Variants in TGM2 observed in about 807,000 individuals in gnomAD.
TGM2 encodes the protein protein-glutamine gamma-glutamyltransferase 2.
In TGM2, 53 loss-of-function variants were observed where a neutral mutation model predicts 75.6. That is an observed-to-expected ratio of 0.70 (90% CI 0.56 to 0.88). The LOEUF is 0.88. Among genes scored for constraint, TGM2 ranks in the 40% least tolerant of loss-of-function variants. The probability of loss-of-function intolerance (pLI) is 0.00; values close to 1 mark genes in which losing one functional copy is unlikely to be tolerated. For synonymous variants in TGM2, 374 were observed against 381.1 expected, an observed-to-expected ratio of 0.98 and a Z score of 0.22; for missense variants, 842 against 928.5, an observed-to-expected ratio of 0.91 and a Z score of 1.21.
chr20:38,141,539 C>A (rs6098085), intron 7 of TGM2, among the ~76,000 whole-genome samples, 154 bp from the exon 8 acceptor site: 53 of 152,188 alleles, frequency 3.5e-4, no homozygotes, highest in East Asian at 2.9e-3. Context: ...TTCTTCCCCC[C>A]ACGGGGGCCC....
At chr20:38,136,841 G>A (rs1284026812) in intron 10 of TGM2, among the ~76,000 whole-genome samples, 3 of 152,090 alleles carry the variant, frequency 2.0e-5, no homozygotes, top group Non-Finnish European at 4.4e-5. Context: ...CAGTGGCCAC[G>A]GCTCCTCTGA....
intron 9 of TGM2, 141 bp from the exon 10 acceptor site, chr20:38,138,526 G>C: frequency 6.7e-7 from 1 of 1,490,366 alleles, no homozygotes; most frequent in African/African-American, 1.4e-5. Flanking sequence ...TTCTGGGCCA[G>C]AAGGACACAG....
Position 38,142,535 on chromosome 20 carries a change from G to A in TGM2, c.860-336C>T, listed in dbSNP as rs536524981. On this transcript the variant is annotated intron_variant, in intron 6 of 12. Transcript: ENST00000361475. Reference sequence around the variant, plus strand: ...AGCCTGGCCAATATGGTGAAACCCCGTCTCTACTAAAAATACAAAAATTAG... The same window carrying A: ...AGCCTGGCCAATATGGTGAAACCCCATCTCTACTAAAAATACAAAAATTAG... Among the ~76,000 whole-genome samples the A allele has an allele frequency of 9.2e-5, 14 of 152,184 alleles. No individual in the cohort carries two copies. The South Asian group carries it at 2.7e-3, about 29-fold the overall frequency.
At position 38,128,866 on chromosome 20, in the gene TGM2, G is replaced by T. The variant is rs1221838063; in HGVS notation, c.*1353C>A. On this transcript the variant is annotated 3_prime_UTR_variant, in exon 13 of 13. Coordinates refer to ENST00000361475, the MANE Select transcript of TGM2 (RefSeq NM_004613.4). Reference sequence around the variant, plus strand: ...GGGGGCCTTAGCCCTGCAAAGAAGGGGTAGCTGGGGTGCCAACCTTGTTGG... The same window carrying T: ...GGGGGCCTTAGCCCTGCAAAGAAGGTGTAGCTGGGGTGCCAACCTTGTTGG... 2 of 152,296 alleles carry T rather than the reference G, an allele frequency of 1.3e-5. No homozygotes were observed. Among genetic ancestry groups the T allele is most frequent in the Admixed American group, 1.3e-4 (2 of 15,290 alleles). 9.4% of individuals were successfully genotyped at this position (152,296 alleles called of 1,614,324 possible). A position where few individuals can be genotyped will look rare whatever the true frequency, so the allele number is the denominator to read the frequency against.
chr20:38,152,598 G>T (rs887321212), intron 3 of TGM2, among the ~76,000 whole-genome samples: 1 of 152,188 alleles, frequency 6.6e-6, no homozygotes, highest in African/African-American at 2.4e-5. Context: ...AAAGGTGGGG[G>T]CACTGGGGAC....
intron 6 of TGM2, among the ~76,000 whole-genome samples, chr20:38,143,392 C>T (rs1026312075): frequency 6.6e-6 from 1 of 152,210 alleles, no homozygotes; most frequent in Non-Finnish European, 1.5e-5. Context: ...CACGGATGCA[C>T]GTGGCCCTAT....
intron 2 of TGM2, among the ~76,000 whole-genome samples, chr20:38,161,125 A>G (rs919521296): frequency 3.3e-5 from 5 of 152,138 alleles, no homozygotes; most frequent in African/African-American, 1.2e-4. Flanking sequence ...ATCCTGATCA[A>G]CTTTCCTGGT....
At chr20:38,166,305 A>C (rs75752436), upstream of TGM2, 8 of 144,516 alleles carry the variant, frequency 5.5e-5, no homozygotes, top group East Asian at 4.1e-4. Context: ...CCCTTCATCC[A>C]TCCCTCCCTC....
chr20:38,153,524 C>CAAAAAAAAAAAAAA (rs1231793414), intron 3 of TGM2, among the ~76,000 whole-genome samples: 1 of 63,886 alleles, frequency 1.6e-5, no homozygotes, highest in African/African-American at 1.1e-4. Context: ...GCCTTGGTCT[C>CAAAAAAAAAAAAAA]AAAAAAAAGA....
intron 6 of TGM2, among the ~76,000 whole-genome samples, chr20:38,144,242 A>G (rs1182066096): frequency 6.6e-6 from 1 of 152,192 alleles, no homozygotes; most frequent in Non-Finnish European, 1.5e-5. Context: ...CACCAGCTGT[A>G]TGACCTTGGG....
chr20:38,146,601 ATT>A (rs1478066139), intron 6 of TGM2, 114 bp downstream of exon 6: 2 of 1,245,882 alleles, frequency 1.6e-6, no homozygotes, highest in Non-Finnish European at 2.3e-6. Flanking sequence ...CACATAGCGC[ATT>A]GAGAGTGTTG....
chr20:38,151,114 G>T, intron 3 of TGM2, 57 bp from the exon 4 acceptor site: 2 of 1,362,084 alleles, frequency 1.5e-6, no homozygotes, highest in Non-Finnish European at 2.1e-6. Flanking sequence ...CAGGGTCCCT[G>T]CAAATCTGGA....
intron 6 of TGM2, among the ~76,000 whole-genome samples, chr20:38,145,155 AG>A (rs1331555303): frequency 1.3e-5 from 2 of 152,150 alleles, no homozygotes; most frequent in African/African-American, 4.8e-5. Context: ...AGGAGTCAGA[AG>A]GCAAGGACAG....
At chr20:38,135,842 G>C (rs549060307) in intron 10 of TGM2, among the ~76,000 whole-genome samples, 1 of 152,266 alleles carries the variant, frequency 6.6e-6, no homozygotes, top group East Asian at 1.9e-4. Context: ...GTGTGCTGGT[G>C]CTGCTGTGCC....
chr20:38,153,100 A>T (rs1411756293), intron 3 of TGM2, among the ~76,000 whole-genome samples: 1 of 152,082 alleles, frequency 6.6e-6, no homozygotes. Flanking sequence ...GCCACAGGGT[A>T]TGAAGCAAGG....
At chr20:38,143,374 TACAAGAACACGGATGC>T (rs1214995783) in intron 6 of TGM2, among the ~76,000 whole-genome samples, 1 of 152,192 alleles carries the variant, frequency 6.6e-6, no homozygotes. Context: ...ATTCCCAATG[TACAAGAACACGGATGC>T]ACGTGGCCCT....
intron 12 of TGM2, 41 bp downstream of exon 12, chr20:38,131,052 C>G: frequency 2.5e-6 from 4 of 1,608,160 alleles, no homozygotes; most frequent in Non-Finnish European, 3.4e-6. Flanking sequence ...GGCATCTGCC[C>G]GCTTCCCCCA....
At position 38,165,083 on chromosome 20, in the gene TGM2, G is replaced by A; in HGVS notation, c.10+106C>T. 8 of 1,552,922 alleles carry A rather than the reference G, an allele frequency of 5.2e-6. No homozygotes were observed. The South Asian group carries it at 9.0e-5, about 18-fold the overall frequency. On this transcript the variant is annotated intron_variant, in intron 1 of 12. Coordinates refer to ENST00000361475, the MANE Select transcript of TGM2 (RefSeq NM_004613.4). ...GACGCCTCCTCACCCAGCCCGGTCT[G>A]CCTGTTGCTCTCCAAATCAGGACTT...
intron 3 of TGM2, among the ~76,000 whole-genome samples, chr20:38,153,072 C>T (rs1015264226): frequency 1.3e-5 from 2 of 152,116 alleles, no homozygotes; most frequent in Admixed American, 6.5e-5. Context: ...ACTTCTGTCC[C>T]GAGAAATCAT....
Sources: allele counts gnomAD v4.1 joint callset (sites outside exome capture counted in the v4.1 genomes callset), GRCh38; gene constraint gnomAD v4.1.1; transcripts MANE v1.5; gene names NCBI Gene and HGNC (gene_info 2026-07-23, HGNC 2026-07-21).